Variants in IGFBP7 observed in about 807,000 individuals in gnomAD.
IGFBP7 encodes the protein insulin-like growth factor-binding protein 7.
IGFBP7 carries 31 observed loss-of-function variants against 29.4 expected under a neutral mutation model. The ratio of observed to expected loss-of-function variants is 1.05; its 90% CI spans 0.79 to 1.42. The LOEUF (loss-of-function observed/expected upper bound fraction) is 1.42. Ranked by LOEUF, IGFBP7 falls within the 40% of genes most tolerant of loss-of-function variation. The pLI is 0.00. For synonymous variants in IGFBP7, 172 were observed against 174.9 expected (o/e 0.98, Z 0.13); for missense variants, 393 against 395.5 (o/e 0.99, Z 0.05).
rs187237600 is a variant in IGFBP7, at chr4:57,035,423, C to T, written c.586-2112G>A. Among the ~76,000 whole-genome samples the T allele has an allele frequency of 3.3e-5, 5 of 152,056 alleles. No homozygotes were observed. The East Asian group carries it at 9.6e-4, about 29-fold the overall frequency. ...TTTATATGTCAAACTCTCCCTTATT[C>T]GTGTAAGGGGATTCTAAGTGTTGTT... On this transcript the variant is annotated intron_variant, in intron 2 of 4. Coordinates refer to ENST00000295666, the MANE Select transcript of IGFBP7 (RefSeq NM_001553.3).
At chr4:57,066,845 G>A (rs1351188872) in intron 1 of IGFBP7, among the ~76,000 whole-genome samples, 1 of 151,844 alleles carries the variant, frequency 6.6e-6, no homozygotes, top group Non-Finnish European at 1.5e-5. Flanking sequence ...TTACAGACAT[G>A]AGCCACCATG....
At chr4:57,063,411 C>T (rs4864611) in intron 1 of IGFBP7, among the ~76,000 whole-genome samples, 5 of 152,128 alleles carry the variant, frequency 3.3e-5, no homozygotes, top group Non-Finnish European at 7.3e-5. Context: ...TTCCTGTGTT[C>T]CAACGCCTGG....
At chr4:57,094,130 A>G (rs1725704463) in intron 1 of IGFBP7, among the ~76,000 whole-genome samples, 1 of 152,170 alleles carries the variant, frequency 6.6e-6, no homozygotes, top group Non-Finnish European at 1.5e-5. Flanking sequence ...TAAGCTCCTT[A>G]GAGCAGGGGC....
At position 57,033,322 on chromosome 4, in the gene IGFBP7, A is replaced by G. The variant is rs377384759; in HGVS notation, c.586-11T>C. On this transcript the variant is annotated splice_polypyrimidine_tract_variant and intron_variant, in intron 2 of 4. Coordinates refer to ENST00000295666, the MANE Select transcript of IGFBP7 (RefSeq NM_001553.3). The stretch of plus-strand genomic sequence containing the variant: ...GTGACCCCTTTTTACCTGCAAAAAC[A>G]AAAGGAGAGTAATACTGAGTTTTGT... 10 of 1,566,954 alleles carry G rather than the reference A, an allele frequency of 6.4e-6. No individual in the cohort carries two copies. Among genetic ancestry groups the G allele is most frequent in the Non-Finnish European group, 7.9e-6 (9 of 1,137,104 alleles).
intron 1 of IGFBP7, among the ~76,000 whole-genome samples, chr4:57,089,070 A>G (rs1252791936): frequency 6.7e-6 from 1 of 150,038 alleles, no homozygotes; most frequent in Non-Finnish European, 1.5e-5. Context: ...GCAACTTGTC[A>G]TTTAATAATC....
chr4:57,085,553 T>G (rs1358080473), intron 1 of IGFBP7, among the ~76,000 whole-genome samples: 1 of 139,954 alleles, frequency 7.1e-6, no homozygotes, highest in Non-Finnish European at 1.5e-5. Context: ...AAAAAATGTC[T>G]TTTAGCTCAT....
chr4:57,054,325 CA>C (rs1271489516), intron 1 of IGFBP7, among the ~76,000 whole-genome samples: 1 of 152,006 alleles, frequency 6.6e-6, no homozygotes, highest in Non-Finnish European at 1.5e-5. Flanking sequence ...GAATTCTAAG[CA>C]ATCTGCTTAG....
At chr4:57,050,984 A>G (rs1724491521) in intron 1 of IGFBP7, among the ~76,000 whole-genome samples, 1 of 152,182 alleles carries the variant, frequency 6.6e-6, no homozygotes, top group Admixed American at 6.5e-5. Flanking sequence ...TGTGTGCATT[A>G]ATACCAAATA....
At position 57,040,815 on chromosome 4, in the gene IGFBP7, G is replaced by A. The variant is rs757573774; in HGVS notation, c.585+9C>T. 2.5e-6 allele frequency: 4 copies of A among 1,571,898 alleles called. No individual in the cohort carries two copies. Among genetic ancestry groups the A allele is most frequent in the African/African-American group, 2.7e-5 (2 of 74,092 alleles). On this transcript the variant is annotated intron_variant, in intron 2 of 4. Coordinates refer to ENST00000295666, the MANE Select transcript of IGFBP7 (RefSeq NM_001553.3). ...GCCTAGGATGTCTCTTAAAGTCTGT[G>A]CCACAGACCTTGTTCCAGATGAGGA...
At chr4:57,064,024 C>T (rs555800433) in intron 1 of IGFBP7, among the ~76,000 whole-genome samples, 3 of 151,952 alleles carry the variant, frequency 2.0e-5, no homozygotes, top group Admixed American at 2.0e-4. Context: ...GGGAGAAGCC[C>T]GAGTGACATT....
intron 1 of IGFBP7, among the ~76,000 whole-genome samples, chr4:57,052,655 A>T (rs1302228809): frequency 6.6e-6 from 1 of 152,064 alleles, no homozygotes; most frequent in East Asian, 1.9e-4. Flanking sequence ...GCTTCCAGGC[A>T]CGTATTTGCA....
At chr4:57,049,788 T>C (rs531092934) in intron 1 of IGFBP7, among the ~76,000 whole-genome samples, 3 of 152,212 alleles carry the variant, frequency 2.0e-5, no homozygotes, top group South Asian at 2.1e-4. Context: ...TCATGTTCAT[T>C]GGAAGGAGAC....
At chr4:57,058,654 AAC>A (rs1156950056) in intron 1 of IGFBP7, among the ~76,000 whole-genome samples, 1 of 152,224 alleles carries the variant, frequency 6.6e-6, no homozygotes, top group African/African-American at 2.4e-5. Flanking sequence ...CCTGGAAGAC[AAC>A]CTAGGCAATA....
Position 57,032,194 on chromosome 4 carries a change from C to T in IGFBP7, c.829+232G>A. 9.0e-6 allele frequency: 10 copies of T among 1,115,136 alleles called. No individual in the cohort carries two copies. The South Asian group carries it at 1.3e-4, about 14-fold the overall frequency. The allele number at this position is 1,115,136 out of a possible 1,614,324, so 69.1% of individuals were successfully genotyped here. On this transcript the variant is annotated intron_variant, in intron 4 of 4. Transcript: ENST00000295666. Reference sequence around the variant, plus strand: ...CAGGCAAGTTTGATTTTGACTCTTACATGTTAGATAAGGTAAAAGCATCTA... The same window carrying T: ...CAGGCAAGTTTGATTTTGACTCTTATATGTTAGATAAGGTAAAAGCATCTA...
chr4:57,085,574 T>C (rs566716577), intron 1 of IGFBP7, among the ~76,000 whole-genome samples: 3 of 50,716 alleles, frequency 5.9e-5, no homozygotes, highest in Non-Finnish European at 1.2e-4. Flanking sequence ...GTTATTCAGA[T>C]AGTCAGTTGT....
At chr4:57,076,149 G>A (rs986046934) in intron 1 of IGFBP7, among the ~76,000 whole-genome samples, 7 of 152,120 alleles carry the variant, frequency 4.6e-5, no homozygotes, top group African/African-American at 1.7e-4. Flanking sequence ...TCTTGCTGTA[G>A]CCTCACATGG....
intron 1 of IGFBP7, among the ~76,000 whole-genome samples, chr4:57,068,377 A>C (rs1186342475): frequency 6.6e-6 from 1 of 152,152 alleles, no homozygotes; most frequent in Non-Finnish European, 1.5e-5. Context: ...TCAGTTTACT[A>C]TCTAATTTCC....
intron 1 of IGFBP7, among the ~76,000 whole-genome samples, chr4:57,090,008 G>A (rs1725595494): frequency 6.6e-6 from 1 of 151,968 alleles, no homozygotes; most frequent in African/African-American, 2.4e-5. Context: ...CAGCACTGCT[G>A]AGTGGTTAAA....
intron 1 of IGFBP7, among the ~76,000 whole-genome samples, chr4:57,065,208 A>G (rs1578627437): frequency 6.6e-6 from 1 of 152,228 alleles, no homozygotes; most frequent in African/African-American, 2.4e-5. Context: ...CGGCTCGCCC[A>G]CAAGCTATGG....
Sources: gnomAD v4.1 joint callset for allele counts (sites outside exome capture counted in the v4.1 genomes callset) on GRCh38, gnomAD v4.1.1 for gene constraint, MANE v1.5 for transcripts, NCBI Gene and HGNC (gene_info 2026-07-23, HGNC 2026-07-21) for gene names.